The following CCDC192 variants were observed in gnomAD, a reference collection of about 807,000 sequenced individuals.
The protein encoded by CCDC192 is coiled-coil domain containing 192.
At chr5:127,719,430 TACACAC>T (rs1160348806) in intron 2 of CCDC192, among the ~76,000 whole-genome samples, 3 of 142,232 alleles carry the variant, frequency 2.1e-5, no homozygotes, top group Non-Finnish European at 3.0e-5. Context: ...TATATATATA[TACACAC>T]ACATACATAT....
chr5:127,871,067 C>G (rs1271776820), intron 5 of CCDC192, among the ~76,000 whole-genome samples: 1 of 152,204 alleles, frequency 6.6e-6, no homozygotes, highest in Non-Finnish European at 1.5e-5. Context: ...AAGCTCTGCC[C>G]TGGCAGGCCC....
chr5:127,917,111 G>A (rs1217293534), intron 6 of CCDC192, among the ~76,000 whole-genome samples: 1 of 152,184 alleles, frequency 6.6e-6, no homozygotes, highest in Non-Finnish European at 1.5e-5. Context: ...TTGTGTTATG[G>A]AAACAGCTTC....
intron 3 of CCDC192, among the ~76,000 whole-genome samples, chr5:127,773,598 A>C (rs1042082923): frequency 6.6e-6 from 1 of 152,234 alleles, no homozygotes; most frequent in African/African-American, 2.4e-5. Flanking sequence ...AGCTACAGCA[A>C]GTATAAGTAC....
In CCDC192 at chr5:127,754,330, T is replaced by A. The variant is rs141038058; in HGVS notation, c.177T>A (p.Ile59=). The A allele has an allele frequency of 7.5e-5, 30 of 398,910 alleles. No homozygotes were observed. The East Asian group carries it at 1.1e-3, about 14-fold the overall frequency. 24.7% of individuals were successfully genotyped at this position (398,910 alleles called of 1,614,324 possible). Residue 59 remains isoleucine (I), a synonymous_variant, in exon 3 of 7, where the codon ATT becomes ATA. Coordinates refer to ENST00000514853, the MANE Select transcript of CCDC192 (RefSeq NM_001317938.2). ...TGGCCCAACTTGAGTCCTTGGAGAT[T>A]TGCCTGAAAGAAGCAGAAGAAAAGG... is the stretch of plus-strand genomic sequence containing the variant. ...FTLAQLESLE[I]CLKEAEEKAK...
chr5:127,792,577 G>A lies in CCDC192; in HGVS notation c.223-4526G>A, dbSNP rs890736880. The stretch of plus-strand genomic sequence containing the variant: ...AAAAATTAGCTGGATGTGGTGGTGT[G>A]CAGCTGTAGTCTCAGCTACCCAGGA... On this transcript the variant is annotated intron_variant, in intron 3 of 6. Coordinates refer to ENST00000514853, the MANE Select transcript of CCDC192 (RefSeq NM_001317938.2). 3.3e-5 allele frequency among the ~76,000 whole-genome samples: 5 copies of A among 150,652 alleles called. No individual in the cohort carries two copies. In the East Asian group the frequency reaches 9.7e-4, roughly 29 times the overall value.
At chr5:127,711,869 T>C (rs544205313) in intron 2 of CCDC192, among the ~76,000 whole-genome samples, 9 of 152,270 alleles carry the variant, frequency 5.9e-5, no homozygotes, top group African/African-American at 1.9e-4. Flanking sequence ...TGTTTTGCCT[T>C]TCCTTTCTTT....
At position 127,787,344 on chromosome 5, in the gene CCDC192, T is replaced by C. The variant is rs569035122; in HGVS notation, c.223-9759T>C. Among the ~76,000 whole-genome samples the C allele has an allele frequency of 2.6e-5, 4 of 152,340 alleles. No individual in the cohort carries two copies. The South Asian group carries it at 8.3e-4, about 32-fold the overall frequency. ...GCCCTGCCTGGAGTTGCATGTGACA[T>C]GGCACCTACCTCCTCCTCACCTGCC... On this transcript the variant is annotated intron_variant, in intron 3 of 6. Coordinates refer to ENST00000514853, the MANE Select transcript of CCDC192 (RefSeq NM_001317938.2).
intron 6 of CCDC192, among the ~76,000 whole-genome samples, chr5:127,933,840 C>T (rs900805882): frequency 6.6e-6 from 1 of 152,172 alleles, no homozygotes; most frequent in African/African-American, 2.4e-5. Flanking sequence ...GCTTTTCCAC[C>T]ATATAAGGAC....
At chr5:127,808,922 T>A (rs1433865984) in intron 5 of CCDC192, among the ~76,000 whole-genome samples, 1 of 152,202 alleles carries the variant, frequency 6.6e-6, no homozygotes, top group Non-Finnish European at 1.5e-5. Context: ...CTGGATTTAA[T>A]GTTGATTTTT....
chr5:127,890,056 A>G (rs1324582796), intron 6 of CCDC192, among the ~76,000 whole-genome samples: 1 of 152,012 alleles, frequency 6.6e-6, no homozygotes, highest in African/African-American at 2.4e-5. Context: ...TGTTCCCACC[A>G]AATGGATCTG....
intron 5 of CCDC192, among the ~76,000 whole-genome samples, chr5:127,836,349 G>A (rs1374785472): frequency 1.3e-5 from 2 of 152,180 alleles, no homozygotes; most frequent in Non-Finnish European, 2.9e-5. Context: ...TTCATAGGCT[G>A]GCCTTGAGTG....
chr5:127,766,358 G>A (rs1217870900), intron 3 of CCDC192, among the ~76,000 whole-genome samples: 1 of 152,068 alleles, frequency 6.6e-6, no homozygotes, highest in Non-Finnish European at 1.5e-5. Flanking sequence ...AAAAGTTCTA[G>A]AGAGGACATA....
chr5:127,901,074 T>G (rs1753025673), intron 6 of CCDC192, among the ~76,000 whole-genome samples: 2 of 152,176 alleles, frequency 1.3e-5, no homozygotes, highest in African/African-American at 4.8e-5. Context: ...AAATATAAAT[T>G]AGTCAAAACA....
At chr5:127,932,841 A>G (rs1260138119) in intron 6 of CCDC192, among the ~76,000 whole-genome samples, 1 of 152,188 alleles carries the variant, frequency 6.6e-6, no homozygotes, top group African/African-American at 2.4e-5. Context: ...GAATAGTCAG[A>G]TACAGCATGT....
At chr5:127,816,075 A>AATGTACT (rs1561504643) in intron 5 of CCDC192, among the ~76,000 whole-genome samples, 1 of 152,184 alleles carries the variant, frequency 6.6e-6, no homozygotes, top group Non-Finnish European at 1.5e-5. Flanking sequence ...GTTGAGATAC[A>AATGTACT]TTAATATGTG....
chr5:127,729,700 C>T (rs144642296), intron 2 of CCDC192, among the ~76,000 whole-genome samples: 2 of 152,206 alleles, frequency 1.3e-5, no homozygotes, highest in African/African-American at 4.8e-5. Context: ...CAAATTAGAA[C>T]TCAAGATTAG....
intron 6 of CCDC192, among the ~76,000 whole-genome samples, chr5:127,922,411 T>C (rs977164117): frequency 6.6e-6 from 1 of 152,244 alleles, no homozygotes; most frequent in Non-Finnish European, 1.5e-5. Flanking sequence ...ATTTCTGTTA[T>C]AAATCGCAAT....
chr5:127,832,681 C>T (rs1457335317), intron 5 of CCDC192, among the ~76,000 whole-genome samples: 1 of 152,106 alleles, frequency 6.6e-6, no homozygotes, highest in Non-Finnish European at 1.5e-5. Context: ...ATATGACACA[C>T]ACACATGCAT....
At chr5:127,834,608 C>T (rs1749949381) in intron 5 of CCDC192, among the ~76,000 whole-genome samples, 1 of 152,132 alleles carries the variant, frequency 6.6e-6, no homozygotes, top group Non-Finnish European at 1.5e-5. Context: ...TCTTTGCAGG[C>T]AAGAATTTCA....
Sources: gnomAD v4.1 joint callset for allele counts (sites outside exome capture counted in the v4.1 genomes callset) on GRCh38, gnomAD v4.1.1 for gene constraint, MANE v1.5 for transcripts, NCBI Gene and HGNC (gene_info 2026-07-23, HGNC 2026-07-21) for gene names.